KLHL32: variants seen among roughly 807,000 people sequenced by gnomAD.
KLHL32 encodes kelch-like protein 32.
In KLHL32, 35 loss-of-function variants were observed where a neutral mutation model predicts 64.8. That is an observed-to-expected ratio of 0.54 (90% CI 0.41 to 0.72). The LOEUF (loss-of-function observed/expected upper bound fraction) is 0.72, where lower values mean the gene tolerates loss of function less well. KLHL32 is among the 30% of genes least tolerant of loss of function. The probability of loss-of-function intolerance (pLI) is 0.00; values close to 1 mark genes in which losing one functional copy is unlikely to be tolerated. For missense variants in KLHL32, 589 were observed against 768.5 expected (o/e 0.77, Z 2.76); for synonymous variants, 259 against 281.0 (o/e 0.92, Z 0.78).
At chr6:97,049,091 C>T (rs1466831271) in intron 4 of KLHL32, among the ~76,000 whole-genome samples, 3 of 152,128 alleles carry the variant, frequency 2.0e-5, no homozygotes, top group Admixed American at 6.5e-5. Flanking sequence ...GGCTATATTC[C>T]AAGACCCCAG....
intron 3 of KLHL32, among the ~76,000 whole-genome samples, chr6:96,976,890 C>T (rs1582549590): frequency 2.6e-5 from 4 of 152,138 alleles, no homozygotes; most frequent in South Asian, 2.1e-4. Flanking sequence ...CACACCACCG[C>T]GGCCAGCCTA....
At chr6:97,091,496 C>T (rs1022913149) in intron 6 of KLHL32, among the ~76,000 whole-genome samples, 3 of 152,200 alleles carry the variant, frequency 2.0e-5, no homozygotes, top group African/African-American at 4.8e-5. Flanking sequence ...CCAACAGGGT[C>T]CTGCTGTCAT....
At chr6:96,971,132 C>A (rs752153024) in intron 2 of KLHL32, among the ~76,000 whole-genome samples, 9 of 152,080 alleles carry the variant, frequency 5.9e-5, no homozygotes, top group African/African-American at 2.2e-4. Context: ...GTATGTAACA[C>A]CTTATTGGTA....
chr6:97,078,020 G>T (rs1014989801), intron 5 of KLHL32, among the ~76,000 whole-genome samples: 1 of 152,208 alleles, frequency 6.6e-6, no homozygotes, highest in African/African-American at 2.4e-5. Flanking sequence ...AATTCATTCA[G>T]TGATAAAGAG....
At chr6:97,102,754 G>A (rs1358911665) in intron 6 of KLHL32, among the ~76,000 whole-genome samples, 1 of 152,060 alleles carries the variant, frequency 6.6e-6, no homozygotes, top group Middle Eastern at 3.2e-3. Context: ...GGCAAGGGTG[G>A]TGCTGTTTTT....
rs754336634 is a variant in KLHL32, at chr6:97,114,409, A to G, written c.1254A>G (p.Arg418=). The change falls in exon 7 of 11, where the codon CGA becomes CGG. Residue 418 remains arginine, a synonymous_variant. Transcript: ENST00000369261. ...GCCAGGTTCTGCCTACAGTTGAGCG[A>G]TATTGCCCCAAGAAGAACAAATGGA... ...ELRQVLPTVE[R]YCPKKNKWTF... is the part of the protein sequence containing the mutation. 4.3e-6 allele frequency: 7 copies of G among 1,614,232 alleles called. No homozygotes were observed. The Admixed American group carries it at 1.2e-4, about 27-fold the overall frequency.
intron 4 of KLHL32, among the ~76,000 whole-genome samples, chr6:97,061,657 A>T (rs1372657319): frequency 6.6e-6 from 1 of 152,164 alleles, no homozygotes; most frequent in Non-Finnish European, 1.5e-5. Context: ...AAATACCTAA[A>T]TATAATGCTT....
chr6:97,105,305 T>C, intron 6 of KLHL32: 1 of 385,578 alleles, frequency 2.6e-6, no homozygotes, highest in Non-Finnish European at 5.2e-6. Flanking sequence ...TCATCCATTC[T>C]ATTAAAACAC....
intron 4 of KLHL32, among the ~76,000 whole-genome samples, chr6:97,060,695 G>C (rs1788738137): frequency 1.3e-5 from 2 of 152,116 alleles, no homozygotes; most frequent in Non-Finnish European, 2.9e-5. Context: ...GGTGACCAGA[G>C]GACATGTTGG....
the KLHL32 span, among the ~76,000 whole-genome samples, chr6:96,901,893 T>A: frequency 1.3e-4 from 20 of 152,354 alleles, no homozygotes; most frequent in East Asian, 3.9e-3. Context: ...GCTCCATCCA[T>A]GTCCCTGCAA....
At chr6:96,923,981 T>C (rs973419803), upstream of KLHL32, among the ~76,000 whole-genome samples, 50 of 152,204 alleles carry the variant, frequency 3.3e-4, no homozygotes, top group Admixed American at 2.0e-4. Flanking sequence ...AATGGTATGG[T>C]TCTGTGGTTG....
chr6:96,915,762 T>C, the KLHL32 span, among the ~76,000 whole-genome samples: 1 of 152,178 alleles, frequency 6.6e-6, no homozygotes, highest in African/African-American at 2.4e-5. Flanking sequence ...TGTTTACCTA[T>C]GAAAAAGGTC....
chr6:97,052,994 C>T (rs1386347204), intron 4 of KLHL32, among the ~76,000 whole-genome samples: 7 of 152,020 alleles, frequency 4.6e-5, no homozygotes, highest in African/African-American at 1.2e-4. Flanking sequence ...ACCTTTTAAT[C>T]TTGCATTAGG....
chr6:97,056,281 A>G (rs970989936), intron 4 of KLHL32, among the ~76,000 whole-genome samples: 6 of 150,988 alleles, frequency 4.0e-5, no homozygotes, highest in Non-Finnish European at 7.4e-5. Context: ...AATTTTTTGT[A>G]TTTTTAGTAG....
At chr6:97,074,438 T>C (rs1238285148) in intron 5 of KLHL32, among the ~76,000 whole-genome samples, 2 of 152,124 alleles carry the variant, frequency 1.3e-5, no homozygotes, top group Non-Finnish European at 2.9e-5. Flanking sequence ...TGAATTTGAA[T>C]TGCTCCTAGT....
chr6:97,105,574 G>A (rs1796300448), intron 6 of KLHL32: 1 of 467,136 alleles, frequency 2.1e-6, no homozygotes, highest in Non-Finnish European at 4.4e-6. Context: ...AAAGAGAAGG[G>A]CTCCGTGTGC....
intron 3 of KLHL32, among the ~76,000 whole-genome samples, chr6:96,977,899 T>G (rs907081021): frequency 2.0e-5 from 3 of 152,188 alleles, no homozygotes. Flanking sequence ...ATACAGAGTA[T>G]CTGTAAAGTG....
intron 6 of KLHL32, among the ~76,000 whole-genome samples, chr6:97,088,200 A>G (rs896452189): frequency 6.6e-6 from 1 of 152,110 alleles, no homozygotes; most frequent in African/African-American, 2.4e-5. Context: ...TCCCTAAAAT[A>G]TATTGTTTTT....
At chr6:97,082,388 C>T (rs568629268) in intron 5 of KLHL32, among the ~76,000 whole-genome samples, 5 of 152,040 alleles carry the variant, frequency 3.3e-5, no homozygotes, top group East Asian at 1.9e-4. Context: ...CCGAGGCGGG[C>T]GGATCATGAG....
Sources: gnomAD v4.1 joint callset for allele counts (sites outside exome capture counted in the v4.1 genomes callset) on GRCh38, gnomAD v4.1.1 for gene constraint, MANE v1.5 for transcripts, NCBI Gene and HGNC (gene_info 2026-07-23, HGNC 2026-07-21) for gene names.